RTN4: variants seen among roughly 807,000 people sequenced by gnomAD.
RTN4 encodes reticulon-4.
Under a neutral mutation model 90.4 loss-of-function variants are expected in RTN4, and 32 were observed. That is an observed-to-expected ratio of 0.35 (90% CI 0.27 to 0.48). RTN4 has a LOEUF of 0.48. Among genes scored for constraint, RTN4 ranks in the 20% least tolerant of loss-of-function variants. RTN4 has a pLI of 0.99. For missense variants in RTN4, 1,706 were observed against 1,430.2 expected, an observed-to-expected ratio of 1.19 and a Z score of -3.11; for synonymous variants, 629 against 552.5, an observed-to-expected ratio of 1.14 and a Z score of -1.94.
In RTN4 at chr2:54,974,688, G is replaced by A; in HGVS notation, c.3430+7C>T. On this transcript the variant is annotated splice_region_variant and intron_variant, in intron 6 of 8. Coordinates refer to ENST00000337526, the MANE Select transcript of RTN4 (RefSeq NM_020532.5). ...AATTTTTCATCCCAATGGCTTTGTA[G>A]ACTTACCCAAAATCAGTAGTGTCAG... 2 of 1,610,242 alleles carry A rather than the reference G, an allele frequency of 1.2e-6. No individual in the cohort carries two copies. The highest frequency in any genetic ancestry group is 1.7e-6 in the Non-Finnish European group (2 of 1,176,542).
chr2:55,071,165 T>A (rs1205283367), intron 2 of RTN4, among the ~76,000 whole-genome samples: 1 of 146,928 alleles, frequency 6.8e-6, no homozygotes, highest in Non-Finnish European at 1.5e-5. Context: ...TATGCTTAGC[T>A]TCTACAATAA....
intron 1 of RTN4, 130 bp downstream of exon 1, chr2:55,049,615 A>T: frequency 7.0e-7 from 1 of 1,436,106 alleles, no homozygotes; most frequent in Non-Finnish European, 9.6e-7. Flanking sequence ...ACGGGGCGCC[A>T]TCGCCCCGAA....
At chr2:55,113,449 G>A (rs2105070136), upstream of RTN4, among the ~76,000 whole-genome samples, 1 of 152,286 alleles carries the variant, frequency 6.6e-6, no homozygotes, top group South Asian at 2.1e-4. Flanking sequence ...TAGCATCCCT[G>A]GCTACTCTGT....
rs1677086740 is a variant in RTN4, at chr2:54,972,256, C to A, written c.*900G>T. 1 of 152,642 alleles carries A rather than the reference C, an allele frequency of 6.6e-6. No homozygotes were observed. Among genetic ancestry groups the A allele is most frequent in the Non-Finnish European group, 1.5e-5 (1 of 68,036 alleles). The allele number at this position is 152,642 out of a possible 1,614,324, so 9.5% of individuals were successfully genotyped here. A position where few individuals can be genotyped will look rare whatever the true frequency, so the allele number is the denominator to read the frequency against. On this transcript the variant is annotated 3_prime_UTR_variant, in exon 9 of 9. Coordinates refer to ENST00000337526, the MANE Select transcript of RTN4 (RefSeq NM_020532.5). ...CACAATGCATTCCACAGATTTAGTTCAGTACAGCTTAAACCACAATGGTAT... is the reference window on the plus strand; with the variant it reads ...CACAATGCATTCCACAGATTTAGTTAAGTACAGCTTAAACCACAATGGTAT...
At chr2:55,058,722 A>G (rs752307461) in intron 2 of RTN4, among the ~76,000 whole-genome samples, 1 of 152,252 alleles carries the variant, frequency 6.6e-6, no homozygotes, top group African/African-American at 2.4e-5. Flanking sequence ...TGGAAAAAAA[A>G]TCAAAGAAAT....
At chr2:55,135,516 C>T in the RTN4 span, among the ~76,000 whole-genome samples, 4 of 152,208 alleles carry the variant, frequency 2.6e-5, no homozygotes, top group South Asian at 2.1e-4. Context: ...CTCAATTATA[C>T]GTTTAAAAGA....
Position 54,973,041 on chromosome 2 carries a change from A to G in RTN4, c.*115T>C. 2 of 792,164 alleles carry G rather than the reference A, an allele frequency of 2.5e-6. No individual in the cohort carries two copies. Among genetic ancestry groups the G allele is most frequent in the African/African-American group, 3.4e-5 (2 of 58,044 alleles). The allele number at this position is 792,164 out of a possible 1,614,324, so 49.1% of individuals were successfully genotyped here. On this transcript the variant is annotated 3_prime_UTR_variant, in exon 9 of 9. Transcript: ENST00000337526. ...CATGGCTAAAAATAAAGATCTAACA[A>G]CGATCTGTGAAACTGCACTGCAACG...
chr2:55,097,302 A>C (rs111622479), intron 1 of RTN4, among the ~76,000 whole-genome samples: 4,717 of 37,518 alleles, frequency 0.13, 198 homozygotes, highest in African/African-American at 0.23. Context: ...ATTCTGTCTC[A>C]AAAAAAAAAA....
At chr2:55,105,859 AG>A (rs1352377041) in intron 1 of RTN4, among the ~76,000 whole-genome samples, 1 of 152,088 alleles carries the variant, frequency 6.6e-6, no homozygotes, top group African/African-American at 2.4e-5. Flanking sequence ...ACATGTCTGT[AG>A]TCCTAACTAC....
At chr2:55,064,260 A>C (rs1352354079) in intron 2 of RTN4, among the ~76,000 whole-genome samples, 1 of 151,304 alleles carries the variant, frequency 6.6e-6, no homozygotes, top group Non-Finnish European at 1.5e-5. Context: ...ACAGAAATTT[A>C]TTTTCAAAAG....
chr2:55,072,352 C>T (rs551276683), intron 2 of RTN4, among the ~76,000 whole-genome samples: 58 of 152,224 alleles, frequency 3.8e-4, no homozygotes, highest in African/African-American at 1.2e-3. Context: ...GCCTCAGCCT[C>T]CCGAGTAGCT....
intron 1 of RTN4, among the ~76,000 whole-genome samples, chr2:55,106,557 T>C (rs577489061): frequency 4.5e-4 from 69 of 152,164 alleles, no homozygotes; most frequent in Non-Finnish European, 7.5e-4. Flanking sequence ...TTTGCTGTTG[T>C]TGCCCAGGCT....
chr2:54,985,637 T>C (rs1395832970), intron 4 of RTN4, among the ~76,000 whole-genome samples: 1 of 152,218 alleles, frequency 6.6e-6, no homozygotes, highest in Non-Finnish European at 1.5e-5. Flanking sequence ...AATGTTGGTC[T>C]CTCCCCCTAA....
At chr2:55,055,188 T>C (rs1668166959), upstream of RTN4, among the ~76,000 whole-genome samples, 1 of 151,824 alleles carries the variant, frequency 6.6e-6, no homozygotes, top group Admixed American at 6.6e-5. Flanking sequence ...TTTATTTTGA[T>C]CTAGCAAAAA....
upstream of RTN4, among the ~76,000 whole-genome samples, chr2:55,114,518 G>A (rs1239466232): frequency 1.3e-5 from 2 of 152,156 alleles, no homozygotes; most frequent in East Asian, 3.8e-4. Context: ...GGCTGACATG[G>A]TGAAACCCCG....
intron 6 of RTN4, 130 bp from the exon 7 acceptor site, chr2:54,973,997 G>A: frequency 1.4e-6 from 1 of 722,526 alleles, no homozygotes; most frequent in Non-Finnish European, 2.3e-6. Flanking sequence ...AAAAACATAA[G>A]GATCTCTGGA....
At position 55,025,543 on chromosome 2, in the gene RTN4, C is replaced by A; in HGVS notation, c.2556G>T (p.Gln852His). The A allele has an allele frequency of 6.2e-7, 1 of 1,613,684 alleles. No individual in the cohort carries two copies. Among genetic ancestry groups the A allele is most frequent in the Non-Finnish European group, 8.5e-7 (1 of 1,179,810 alleles). Residue 852 changes from glutamine to histidine, a missense_variant, in exon 3 of 9, where the codon CAG becomes CAT. Coordinates refer to ENST00000337526, the MANE Select transcript of RTN4 (RefSeq NM_020532.5). ...CTGAAAACGTTTCAGTTTCTCTTAT[C>A]TGTGCTTCCTTAGAAATAAATAAGT... ...NDDLFISKEA[Q>H]IRETETFSDS...
intron 1 of RTN4, among the ~76,000 whole-genome samples, chr2:55,112,205 A>G (rs529870577): frequency 5.9e-5 from 9 of 152,334 alleles, no homozygotes; most frequent in Non-Finnish European, 1.3e-4. Context: ...TGGTGGTGAC[A>G]ATGACAAATA....
At chr2:55,015,037 T>C (rs910718670) in intron 3 of RTN4, among the ~76,000 whole-genome samples, 5 of 152,196 alleles carry the variant, frequency 3.3e-5, no homozygotes, top group African/African-American at 4.8e-5. Context: ...CATCTGTTAG[T>C]GCAAAACGAT....
Sources: allele counts gnomAD v4.1 joint callset (sites outside exome capture counted in the v4.1 genomes callset), GRCh38; gene constraint gnomAD v4.1.1; transcripts MANE v1.5; gene names NCBI Gene and HGNC (gene_info 2026-07-23, HGNC 2026-07-21).